MYO16: variants seen among roughly 807,000 people sequenced by gnomAD.
MYO16 encodes the protein unconventional myosin-XVI.
MYO16 carries 94 observed loss-of-function variants against 205.3 expected under a neutral mutation model. That is an observed-to-expected ratio of 0.46 (90% CI 0.39 to 0.54). MYO16 has a LOEUF of 0.54. Among genes scored for constraint, MYO16 ranks in the 20% least tolerant of loss-of-function variants. MYO16 has a pLI of 0.00. For synonymous variants in MYO16, 988 were observed against 954.0 expected (o/e 1.04, Z -0.66); for missense variants, 2,315 against 2,387.5 (o/e 0.97, Z 0.63).
chr13:108,623,111 C>A (rs964010), intron 1 of MYO16, among the ~76,000 whole-genome samples: 9 of 152,162 alleles, frequency 5.9e-5, no homozygotes, highest in African/African-American at 2.2e-4. Flanking sequence ...ACACACACGA[C>A]GTCCAGCTTC....
chr13:109,063,230 C>T (rs1369923081), intron 27 of MYO16, among the ~76,000 whole-genome samples: 6 of 152,028 alleles, frequency 3.9e-5, no homozygotes, highest in Non-Finnish European at 8.8e-5. Flanking sequence ...ACTGGAGGAT[C>T]GCTTTAGTTG....
intron 9 of MYO16, among the ~76,000 whole-genome samples, chr13:108,828,532 G>C (rs548368771): frequency 6.6e-6 from 1 of 152,206 alleles, no homozygotes; most frequent in South Asian, 2.1e-4. Context: ...CAAATCCTTG[G>C]AATTTCCCAT....
intron 9 of MYO16, among the ~76,000 whole-genome samples, chr13:108,839,002 C>T (rs977299421): frequency 6.6e-6 from 1 of 151,854 alleles, no homozygotes; most frequent in Non-Finnish European, 1.5e-5. Flanking sequence ...TAACAGGATA[C>T]CTAAAACTGG....
intron 28 of MYO16, among the ~76,000 whole-genome samples, chr13:109,113,262 T>A (rs1161227747): frequency 6.6e-6 from 1 of 151,476 alleles, no homozygotes; most frequent in African/African-American, 2.4e-5. Flanking sequence ...TCAGGCTAAG[T>A]GTTCTTACCG....
At chr13:108,717,605 G>A (rs1418820762) in intron 3 of MYO16, among the ~76,000 whole-genome samples, 2 of 139,724 alleles carry the variant, frequency 1.4e-5, no homozygotes, top group African/African-American at 5.6e-5. Context: ...ACTCCAGCCT[G>A]GGTGACAGAG....
At chr13:109,157,414 AG>A (rs1566539736) in intron 32 of MYO16, among the ~76,000 whole-genome samples, 3 of 152,086 alleles carry the variant, frequency 2.0e-5, no homozygotes, top group African/African-American at 7.2e-5. Flanking sequence ...GAGTGCAGTC[AG>A]CTCTGCCTCT....
chr13:108,605,790 C>T (rs779631417), intron 1 of MYO16, among the ~76,000 whole-genome samples: 3 of 152,116 alleles, frequency 2.0e-5, no homozygotes, highest in Non-Finnish European at 4.4e-5. Context: ...TGGGGCGCTG[C>T]TATAAAGTTA....
chr13:109,157,063 C>T (rs1460059217), intron 32 of MYO16, among the ~76,000 whole-genome samples: 3 of 151,924 alleles, frequency 2.0e-5, no homozygotes, highest in African/African-American at 7.3e-5. Flanking sequence ...CTGAACCACG[C>T]CCCAGCTGTG....
the MYO16 span, among the ~76,000 whole-genome samples, chr13:108,532,841 G>T: frequency 1.3e-5 from 2 of 152,102 alleles, no homozygotes; most frequent in African/African-American, 4.8e-5. Context: ...GTTTGTATAT[G>T]AGAGGACACA....
At chr13:108,655,933 C>G (rs1267624814) in intron 1 of MYO16, among the ~76,000 whole-genome samples, 2 of 152,130 alleles carry the variant, frequency 1.3e-5, no homozygotes, top group Non-Finnish European at 2.9e-5. Context: ...AAGTAACTAG[C>G]TTGCTTTCGA....
intron 2 of MYO16, among the ~76,000 whole-genome samples, chr13:108,690,696 T>A (rs942019486): frequency 6.6e-6 from 1 of 152,144 alleles, no homozygotes. Context: ...TAAACATCAG[T>A]GTGGCCAAAT....
At chr13:108,565,550 G>A in the MYO16 span, among the ~76,000 whole-genome samples, 5 of 152,026 alleles carry the variant, frequency 3.3e-5, no homozygotes, top group Non-Finnish European at 4.4e-5. Flanking sequence ...TACTGAATTT[G>A]TTTATCAGTT....
At chr13:108,858,291 A>G (rs911516086) in intron 11 of MYO16, among the ~76,000 whole-genome samples, 2 of 152,178 alleles carry the variant, frequency 1.3e-5, no homozygotes, top group African/African-American at 4.8e-5. Context: ...TATGTTTTAC[A>G]AAGGTATCAG....
In MYO16 at chr13:108,897,633, A is replaced by C. The variant is rs117464420; in HGVS notation, c.1660-383A>C. Among the ~76,000 whole-genome samples the C allele has an allele frequency of 1.4e-4, 22 of 152,362 alleles. No homozygotes were observed. The East Asian group carries it at 4.2e-3, about 29-fold the overall frequency. On this transcript the variant is annotated intron_variant, in intron 14 of 34. Coordinates refer to ENST00000457511, the MANE Select transcript of MYO16 (RefSeq NM_001198950.3). ...GTAAAATGAATTCTGACTTTTGCCTATATTAATTCAGATGACTCCTTCCCT... is the reference window on the plus strand; with the variant it reads ...GTAAAATGAATTCTGACTTTTGCCTCTATTAATTCAGATGACTCCTTCCCT...
At chr13:108,676,843 C>T (rs966354747) in intron 2 of MYO16, among the ~76,000 whole-genome samples, 6 of 152,062 alleles carry the variant, frequency 3.9e-5, no homozygotes, top group African/African-American at 1.5e-4. Context: ...CCAGGGATTC[C>T]CCAACCCGCC....
chr13:108,588,249 G>T, the MYO16 span, among the ~76,000 whole-genome samples: 1 of 152,126 alleles, frequency 6.6e-6, no homozygotes, highest in Admixed American at 6.6e-5. Flanking sequence ...ATATCTGTAT[G>T]TCACAATCAA....
chr13:108,884,879 C>G (rs1313439926), intron 13 of MYO16, among the ~76,000 whole-genome samples: 1 of 150,876 alleles, frequency 6.6e-6, no homozygotes, highest in Non-Finnish European at 1.5e-5. Flanking sequence ...GACAGGGGCT[C>G]TCATCCATTC....
At chr13:108,869,490 C>T (rs990840854) in intron 12 of MYO16, among the ~76,000 whole-genome samples, 1 of 151,076 alleles carries the variant, frequency 6.6e-6, no homozygotes, top group Non-Finnish European at 1.5e-5. Context: ...TTTGGGAGGC[C>T]GAGGCGGGCG....
intron 4 of MYO16, among the ~76,000 whole-genome samples, chr13:108,777,020 G>T (rs982857832): frequency 6.6e-6 from 1 of 152,144 alleles, no homozygotes; most frequent in African/African-American, 2.4e-5. Flanking sequence ...GATAGGCTGT[G>T]TGTACCTAGA....
Sources: allele counts gnomAD v4.1 joint callset (sites outside exome capture counted in the v4.1 genomes callset), GRCh38; gene constraint gnomAD v4.1.1; transcripts MANE v1.5; gene names NCBI Gene and HGNC (gene_info 2026-07-23, HGNC 2026-07-21).